SLC67A2: variants seen among roughly 807,000 people sequenced by gnomAD.
SLC67A2 encodes solute carrier family 67 member A2.
the SLC67A2 span, among the ~76,000 whole-genome samples, chr2:102,733,710 C>G: frequency 0.011 from 1,621 of 151,818 alleles, 35 homozygotes; most frequent in African/African-American, 0.037. Context: ...TCTTCTGGAT[C>G]TTTCAGAAAA....
At chr2:102,722,273 A>C in the SLC67A2 span, among the ~76,000 whole-genome samples, 1 of 152,254 alleles carries the variant, frequency 6.6e-6, no homozygotes, top group Admixed American at 6.5e-5. Flanking sequence ...GGTAGAAGAC[A>C]GGCCTGGTAC....
chr2:102,718,603 C>G, the SLC67A2 span: 1 of 1,613,430 alleles, frequency 6.2e-7, no homozygotes, highest in African/African-American at 1.3e-5. Context: ...CAGACTGCCC[C>G]ACGCCAATAA....
chr2:102,726,816 GAAAAAA>G, the SLC67A2 span: 11 of 1,302,992 alleles, frequency 8.4e-6, no homozygotes, highest in South Asian at 3.4e-5. Context: ...AGCTACGTTT[GAAAAAA>G]AAAAAAAAAA....
At chr2:102,718,427 C>T in the SLC67A2 span, 155 of 1,613,926 alleles carry the variant, frequency 9.6e-5, no homozygotes, top group Admixed American at 2.5e-3. Context: ...CATCTACTCA[C>T]TTTTTAATTT....
At chr2:102,723,281 CCAACATGAAGAAACCCCGT>C in the SLC67A2 span, among the ~76,000 whole-genome samples, 1 of 152,234 alleles carries the variant, frequency 6.6e-6, no homozygotes, top group Non-Finnish European at 1.5e-5. Context: ...ACCAACCTGA[CCAACATGAAGAAACCCCGT>C]CTCTACTAAA....
At chr2:102,724,213 C>G in the SLC67A2 span, among the ~76,000 whole-genome samples, 3 of 152,116 alleles carry the variant, frequency 2.0e-5, no homozygotes, top group South Asian at 6.2e-4. Flanking sequence ...CATGACCTCC[C>G]AAGTGCCTCC....
At chr2:102,715,571 G>A in the SLC67A2 span, among the ~76,000 whole-genome samples, 3 of 152,186 alleles carry the variant, frequency 2.0e-5, no homozygotes, top group South Asian at 6.2e-4. Context: ...TGAGGGCAGA[G>A]GCCTACCTTC....
chr2:102,723,067 C>G, the SLC67A2 span, among the ~76,000 whole-genome samples: 9 of 152,226 alleles, frequency 5.9e-5, no homozygotes, highest in African/African-American at 2.2e-4. Flanking sequence ...TGTCACTAAT[C>G]ATCAGGGAAA....
At chr2:102,726,795 G>A in the SLC67A2 span, 7 of 1,517,834 alleles carry the variant, frequency 4.6e-6, no homozygotes, top group Non-Finnish European at 6.1e-6. Flanking sequence ...ACATATTGAG[G>A]TTCTGGGGGA....
chr2:102,729,016 C>T, the SLC67A2 span, among the ~76,000 whole-genome samples: 2 of 151,968 alleles, frequency 1.3e-5, no homozygotes, highest in East Asian at 1.9e-4. Flanking sequence ...AAACATTAGC[C>T]AAATCTGACA....
the SLC67A2 span, among the ~76,000 whole-genome samples, chr2:102,725,807 G>A: frequency 2.0e-5 from 3 of 152,124 alleles, no homozygotes; most frequent in Admixed American, 1.3e-4. Context: ...TGATCATCAC[G>A]TCTATGTTAA....
At chr2:102,732,937 T>C in the SLC67A2 span, among the ~76,000 whole-genome samples, 1 of 152,172 alleles carries the variant, frequency 6.6e-6, no homozygotes, top group Admixed American at 6.5e-5. Context: ...GGCAGACAGT[T>C]CTCAATTCCA....
chr2:102,732,469 A>T, the SLC67A2 span: 1 of 1,341,338 alleles, frequency 7.5e-7, no homozygotes, highest in Non-Finnish European at 1.0e-6. Context: ...GTAAACCTAA[A>T]AATTTAAACT....
chr2:102,722,232 A>G, the SLC67A2 span, among the ~76,000 whole-genome samples: 1 of 152,260 alleles, frequency 6.6e-6, no homozygotes, highest in Non-Finnish European at 1.5e-5. Flanking sequence ...GAAAAGAGAG[A>G]GCCAATAACA....
At chr2:102,736,832 G>A in the SLC67A2 span, 103 of 1,587,086 alleles carry the variant, frequency 6.5e-5, 1 homozygote, top group East Asian at 2.2e-3. Flanking sequence ...CCGGGGGTCG[G>A]ACGCAGCAGC....
At chr2:102,736,657 C>T in the SLC67A2 span, 1 of 1,614,000 alleles carries the variant, frequency 6.2e-7, no homozygotes, top group African/African-American at 1.3e-5. Flanking sequence ...AAGAAGCCCA[C>T]CAAGTAGAGA....
chr2:102,716,384 C>T, the SLC67A2 span: 3 of 152,156 alleles, frequency 2.0e-5, no homozygotes, highest in Admixed American at 6.5e-5. Flanking sequence ...CATAAACCCT[C>T]GATTATTTAT....
At chr2:102,718,766 A>G in the SLC67A2 span, 1 of 1,613,776 alleles carries the variant, frequency 6.2e-7, no homozygotes, top group Non-Finnish European at 8.5e-7. Flanking sequence ...TGTGCAGGTG[A>G]GTATGCTGGA....
chr2:102,729,989 C>T, the SLC67A2 span, among the ~76,000 whole-genome samples: 1 of 152,266 alleles, frequency 6.6e-6, no homozygotes, highest in East Asian at 1.9e-4. Flanking sequence ...ATGAGACCCC[C>T]AGGCCAGCTA....
Sources: allele counts gnomAD v4.1 joint callset (sites outside exome capture counted in the v4.1 genomes callset), GRCh38; gene constraint gnomAD v4.1.1; transcripts MANE v1.5; gene names NCBI Gene and HGNC (gene_info 2026-07-23, HGNC 2026-07-21).